The following ZNF124 variants were observed in gnomAD, a reference collection of about 807,000 sequenced individuals.
The protein encoded by ZNF124 is zinc finger protein HZF-16.
In ZNF124, 25 loss-of-function variants were observed where a neutral mutation model predicts 26.6. The ratio of observed to expected loss-of-function variants is 0.94; its 90% confidence interval spans 0.68 to 1.31. The LOEUF is 1.31. Ranked by LOEUF, ZNF124 falls within the 40% of genes most tolerant of loss-of-function variation. The probability of loss-of-function intolerance (pLI) is 0.00; values close to 1 mark genes in which losing one functional copy is unlikely to be tolerated. For missense variants in ZNF124, 444 were observed against 422.2 expected (o/e 1.05, Z -0.45); for synonymous variants, 129 against 133.3 (o/e 0.97, Z 0.22).
intron 3 of ZNF124, among the ~76,000 whole-genome samples, chr1:247,143,296 G>C (rs1021782356): frequency 1.3e-5 from 2 of 152,126 alleles, no homozygotes; most frequent in Non-Finnish European, 2.9e-5. Flanking sequence ...CAAAAGGATT[G>C]TTAAAGTAAA....
chr1:247,123,964 G>A (rs1339974246), intron 3 of ZNF124: 5 of 697,174 alleles, frequency 7.2e-6, no homozygotes, highest in Admixed American at 2.0e-5. Flanking sequence ...TTTTAGCTGG[G>A]ACTACAGGCA....
chr1:247,137,016 C>T (rs1336112605), intron 3 of ZNF124, among the ~76,000 whole-genome samples: 3 of 151,006 alleles, frequency 2.0e-5, no homozygotes, highest in Non-Finnish European at 4.4e-5. Flanking sequence ...GCAAAAAGAA[C>T]AAAGCTGGAG....
Position 247,156,180 on chromosome 1 carries a change from A to G in ZNF124, c.*386T>C, listed in dbSNP as rs41267543. On this transcript the variant is annotated 3_prime_UTR_variant, in exon 4 of 4. Transcript: ENST00000543802. ...GGGCATTCTTTTATTTATAAGGTCAATCTGGAGTATGTGTTACCATGTGTC... is the reference window on the plus strand; with the variant it reads ...GGGCATTCTTTTATTTATAAGGTCAGTCTGGAGTATGTGTTACCATGTGTC... 1.4e-4 allele frequency: 136 copies of G among 994,682 alleles called. No homozygotes were observed. The highest frequency in any genetic ancestry group is 1.0e-4 in the African/African-American group (6 of 57,678). 61.6% of individuals were successfully genotyped at this position (994,682 alleles called of 1,614,324 possible).
At position 247,170,340 on chromosome 1, in the gene ZNF124, A is replaced by T. The variant is rs908654334; in HGVS notation, c.30+1508T>A. ...AGAACAAATAATTAATAATGTTGTA[A>T]ATTGGAGAGGTGAAGTTGGAGTTTG... On this transcript the variant is annotated intron_variant, in intron 1 of 3. Coordinates refer to ENST00000543802, the MANE Select transcript of ZNF124 (RefSeq NM_001297568.2). 2.7e-5 allele frequency among the ~76,000 whole-genome samples: 4 copies of T among 150,688 alleles called. No individual in the cohort carries two copies. In the East Asian group the frequency reaches 7.7e-4, roughly 29 times the overall value.
downstream of ZNF124, among the ~76,000 whole-genome samples, chr1:247,151,530 A>C (rs1672945033): frequency 6.6e-6 from 1 of 152,006 alleles, no homozygotes; most frequent in Non-Finnish European, 1.5e-5. Flanking sequence ...ACCCTAGGAA[A>C]TTCACACGTT....
chr1:247,134,904 A>G (rs146039717), intron 3 of ZNF124, among the ~76,000 whole-genome samples: 2 of 152,334 alleles, frequency 1.3e-5, no homozygotes, highest in East Asian at 3.9e-4. Flanking sequence ...AGTCTCTCGG[A>G]CCACAGTGCA....
At chr1:247,144,424 A>G (rs548784597) in intron 3 of ZNF124, among the ~76,000 whole-genome samples, 9 of 152,288 alleles carry the variant, frequency 5.9e-5, no homozygotes, top group African/African-American at 2.2e-4. Context: ...CCTACTACAA[A>G]CTAGGCTTGG....
rs574987382 is a variant in ZNF124, at chr1:247,168,148, A to T, written c.30+3700T>A. 2.0e-5 allele frequency among the ~76,000 whole-genome samples: 3 copies of T among 152,302 alleles called. No homozygotes were observed. The East Asian group carries it at 5.8e-4, about 29-fold the overall frequency. ...AACCGCCATGGAAAACAGTATGAAG[A>T]TTCCTTAAAGAACTAAAAGTAGAAC... On this transcript the variant is annotated intron_variant, in intron 1 of 3. Transcript: ENST00000543802. This position sits in a 1 kb window ranked among gnomAD's most constrained non-coding sequence, Gnocchi z 4.0.
chr1:247,166,275 A>G (rs991687078), intron 1 of ZNF124, among the ~76,000 whole-genome samples: 2 of 152,264 alleles, frequency 1.3e-5, no homozygotes, highest in African/African-American at 4.8e-5. Context: ...TGGGAATTCA[A>G]TTCACTCATT....
chr1:247,160,521 T>G (rs1673421842), intron 1 of ZNF124, among the ~76,000 whole-genome samples: 1 of 152,218 alleles, frequency 6.6e-6, no homozygotes, highest in African/African-American at 2.4e-5. Flanking sequence ...CCTTTGCTGG[T>G]ATGAGGGAAC....
intron 3 of ZNF124, among the ~76,000 whole-genome samples, chr1:247,128,829 G>C (rs533743846): frequency 6.6e-6 from 1 of 151,604 alleles, no homozygotes; most frequent in South Asian, 2.1e-4. Flanking sequence ...GGGCACAGTG[G>C]GGACACGGCG....
chr1:247,139,112 A>C (rs181583347), intron 3 of ZNF124, among the ~76,000 whole-genome samples: 5 of 152,270 alleles, frequency 3.3e-5, no homozygotes, highest in African/African-American at 1.2e-4. Flanking sequence ...GTCTCCCTAA[A>C]ATGTGTAAAA....
Position 247,156,982 on chromosome 1 carries a change from C to G in ZNF124, c.640G>C (p.Ala214Pro). Residue 214 changes from alanine to proline, a missense_variant, in exon 4 of 4, where the codon GCC becomes CCC. Physicochemically the swap from Ala to Pro is conservative, Grantham distance 27. Transcript: ENST00000543802. ...TGAAGGCAATTGGAGTAACGGAAGG[C>G]TTTCCCACAGTGCTTACATTCATAG... ...KPYECKHCGK[A>P]FRYSNCLHYH... 1 of 1,613,370 alleles carries G rather than the reference C, an allele frequency of 6.2e-7. No homozygotes were observed.
At chr1:247,158,795 A>G (rs561900122) in intron 3 of ZNF124, among the ~76,000 whole-genome samples, 1 of 151,956 alleles carries the variant, frequency 6.6e-6, no homozygotes, top group African/African-American at 2.4e-5. Context: ...ACACTGGGCT[A>G]ATTTTGTATT....
At position 247,157,131 on chromosome 1, in the gene ZNF124, G is replaced by A. The variant is rs765322927; in HGVS notation, c.491C>T (p.Ser164Phe). 1 of 1,613,862 alleles carries A rather than the reference G, an allele frequency of 6.2e-7. No individual in the cohort carries two copies. Among genetic ancestry groups the A allele is most frequent in the Non-Finnish European group, 8.5e-7 (1 of 1,179,992 alleles). ...ECGKALGFSR[S>F]LNRHKRIHTG... is the part of the protein sequence containing the mutation. ...GTGAATCCTTTTATGTCTATTAAGA[G>A]AACGGGAAAAACCTAAGGCTTTCCC... Residue 164 changes from serine (S) to phenylalanine (F), a missense_variant, in exon 4 of 4, where the codon TCT becomes TTT. Ser to Phe is a radical substitution (Grantham distance 155, BLOSUM62 -2). Coordinates refer to ENST00000543802, the MANE Select transcript of ZNF124 (RefSeq NM_001297568.2).
At chr1:247,165,704 AAATT>A (rs1274326880) in intron 1 of ZNF124, among the ~76,000 whole-genome samples, 1 of 152,236 alleles carries the variant, frequency 6.6e-6, no homozygotes. Context: ...AAACTTAAAT[AAATT>A]AACAAGCAAA....
chr1:247,134,926 A>C (rs771705408), intron 3 of ZNF124, among the ~76,000 whole-genome samples: 16 of 152,210 alleles, frequency 1.1e-4, no homozygotes, highest in Non-Finnish European at 5.9e-5. Flanking sequence ...TCAAATTAGA[A>C]CTCAGGATTA....
intron 3 of ZNF124, among the ~76,000 whole-genome samples, chr1:247,143,221 A>G (rs1174734208): frequency 6.6e-6 from 1 of 152,192 alleles, no homozygotes; most frequent in African/African-American, 2.4e-5. Flanking sequence ...CATGCCTTCA[A>G]GACACACCCA....
Position 247,156,410 on chromosome 1 carries a change from T to C in ZNF124, c.*156A>G. ...TGGAAAAATTGAATGCTTTACCTTATTGCTTATAGTCATAGGGTTTATCTC... is the reference window on the plus strand; with the variant it reads ...TGGAAAAATTGAATGCTTTACCTTACTGCTTATAGTCATAGGGTTTATCTC... On this transcript the variant is annotated 3_prime_UTR_variant, in exon 4 of 4. Coordinates refer to ENST00000543802, the MANE Select transcript of ZNF124 (RefSeq NM_001297568.2). 1 of 1,289,734 alleles carries C rather than the reference T, an allele frequency of 7.8e-7. No homozygotes were observed. Among genetic ancestry groups the C allele is most frequent in the Non-Finnish European group, 9.8e-7 (1 of 1,018,890 alleles). 79.9% of individuals were successfully genotyped at this position (1,289,734 alleles called of 1,614,324 possible).
Sources: allele counts gnomAD v4.1 joint callset (sites outside exome capture counted in the v4.1 genomes callset), GRCh38; gene constraint gnomAD v4.1.1; non-coding constraint Gnocchi (gnomAD v3.1); transcripts MANE v1.5; gene names NCBI Gene and HGNC (gene_info 2026-07-23, HGNC 2026-07-21).